The following SLC2A13 variants were observed in gnomAD, a reference collection of about 807,000 sequenced individuals.
SLC2A13 encodes proton myo-inositol cotransporter.
Under a neutral mutation model 64.4 loss-of-function variants are expected in SLC2A13, and 32 were observed. That is an observed-to-expected ratio of 0.50 (90% CI 0.37 to 0.67). The LOEUF (loss-of-function observed/expected upper bound fraction) is 0.67. SLC2A13 is among the 30% of genes least tolerant of loss of function. SLC2A13 has a pLI of 0.00. For missense variants in SLC2A13, 743 were observed against 829.2 expected (o/e 0.90, Z 1.28); for synonymous variants, 338 against 327.1 (o/e 1.03, Z -0.36).
intron 4 of SLC2A13, among the ~76,000 whole-genome samples, chr12:39,896,686 CGTT>C: frequency 6.6e-6 from 1 of 151,850 alleles, no homozygotes; most frequent in African/African-American, 2.4e-5. Flanking sequence ...TAATATCCCT[CGTT>C]ATCTGCAATT....
chr12:40,014,123 A>G (rs370900296), intron 3 of SLC2A13, among the ~76,000 whole-genome samples: 1 of 152,202 alleles, frequency 6.6e-6, no homozygotes, highest in Non-Finnish European at 1.5e-5. Flanking sequence ...TGTACACCAC[A>G]TTACTTTTAG....
At chr12:39,764,651 T>A in intron 8 of SLC2A13, 39 bp from the exon 9 acceptor site, 1 of 1,582,084 alleles carries the variant, frequency 6.3e-7, no homozygotes, top group Non-Finnish European at 8.6e-7. Flanking sequence ...TAAAATAGCA[T>A]GTAAGAAATT....
chr12:39,973,981 C>G (rs568035042), intron 3 of SLC2A13, among the ~76,000 whole-genome samples: 2 of 152,320 alleles, frequency 1.3e-5, no homozygotes, highest in East Asian at 3.9e-4. Context: ...GGACCAGAGT[C>G]AGTGGGAAAA....
At chr12:39,917,847 C>A (rs1480017179) in intron 4 of SLC2A13, among the ~76,000 whole-genome samples, 2 of 151,968 alleles carry the variant, frequency 1.3e-5, no homozygotes, top group African/African-American at 4.8e-5. Flanking sequence ...TAACCTCTTC[C>A]TCTTCTCCTT....
rs544713699 is a variant in SLC2A13, at chr12:40,036,068, T to C, written c.717-7559A>G. On this transcript the variant is annotated intron_variant, in intron 2 of 9. Coordinates refer to ENST00000280871, the MANE Select transcript of SLC2A13 (RefSeq NM_052885.4). Reference sequence around the variant, plus strand: ...ATGAAAAGCTCTGAGCTAGGGATTATAGAGAAACAGTAATGATCAACAGAC... The same window carrying C: ...ATGAAAAGCTCTGAGCTAGGGATTACAGAGAAACAGTAATGATCAACAGAC... Among the ~76,000 whole-genome samples, 6 of 152,282 alleles carry C rather than the reference T, an allele frequency of 3.9e-5. No homozygotes were observed. In the East Asian group the frequency reaches 7.7e-4, roughly 20 times the overall value.
At chr12:39,935,252 A>G (rs1158608942) in intron 4 of SLC2A13, among the ~76,000 whole-genome samples, 2 of 152,212 alleles carry the variant, frequency 1.3e-5, no homozygotes, top group Non-Finnish European at 2.9e-5. Context: ...AAATAAATAA[A>G]TAAAATTATG....
At chr12:39,933,553 C>T (rs576115463) in intron 4 of SLC2A13, among the ~76,000 whole-genome samples, 1 of 152,244 alleles carries the variant, frequency 6.6e-6, no homozygotes, top group African/African-American at 2.4e-5. Flanking sequence ...CCTAGCAGTT[C>T]CACTTTATAA....
chr12:39,759,956 G>T lies in SLC2A13; in HGVS notation c.*70C>A. 1 of 1,164,266 alleles carries T rather than the reference G, an allele frequency of 8.6e-7. No individual in the cohort carries two copies. The highest frequency in any genetic ancestry group is 1.3e-6 in the Non-Finnish European group (1 of 790,086). The allele number at this position is 1,164,266 out of a possible 1,614,324, so 72.1% of individuals were successfully genotyped here. On this transcript the variant is annotated 3_prime_UTR_variant, in exon 10 of 10. Transcript: ENST00000280871. ...AAAGAACCAGATTAGAAGCAGGGCA[G>T]TGAAGTCACCAATTGCTGTTCTTCT... is the stretch of plus-strand genomic sequence containing the variant.
intron 3 of SLC2A13, among the ~76,000 whole-genome samples, chr12:39,992,599 G>A (rs999272568): frequency 7.9e-5 from 12 of 151,566 alleles, no homozygotes; most frequent in Admixed American, 1.3e-4. Flanking sequence ...GAAAATGGCC[G>A]TGACAGTTAA....
intron 6 of SLC2A13, among the ~76,000 whole-genome samples, chr12:39,848,402 A>C (rs560300512): frequency 2.0e-5 from 3 of 152,316 alleles, no homozygotes; most frequent in African/African-American, 7.2e-5. Flanking sequence ...ACATACGTGC[A>C]GCCAAGGAGC....
rs71449493 is a variant in SLC2A13, at chr12:39,812,996, A to ATTTTTTTTTTTTTTTTT, written c.1445+17090_1445+17106dup. On this transcript the variant is annotated intron_variant, in intron 7 of 9. Transcript: ENST00000280871. ...AGGCGCCTGACATCATGCCCAGCTA[A>ATTTTTTTTTTTTTTTTT]TTTTTTTTTTTTTTTTTTTTTTTTT... 8.0e-3 allele frequency among the ~76,000 whole-genome samples: 326 copies of ATTTTTTTTTTTTTTTTT among 40,618 alleles called. 120 individuals are homozygous for ATTTTTTTTTTTTTTTTT. The highest frequency in any genetic ancestry group is 0.011 in the Non-Finnish European group (271 of 23,818). 26.6% of individuals were successfully genotyped at this position (40,618 alleles called of 152,430 possible).
chr12:40,011,611 G>T (rs1947533650), intron 3 of SLC2A13, among the ~76,000 whole-genome samples: 1 of 152,074 alleles, frequency 6.6e-6, no homozygotes, highest in South Asian at 2.1e-4. Flanking sequence ...AGTGAGCACA[G>T]GACCCAATAG....
At chr12:39,793,502 A>G (rs1005828907) in intron 7 of SLC2A13, among the ~76,000 whole-genome samples, 4 of 152,146 alleles carry the variant, frequency 2.6e-5, no homozygotes, top group Non-Finnish European at 5.9e-5. Context: ...CCACAACAAC[A>G]TTATTCCCAT....
At chr12:39,942,101 G>A (rs1399196531) in intron 4 of SLC2A13, among the ~76,000 whole-genome samples, 1 of 152,174 alleles carries the variant, frequency 6.6e-6, no homozygotes, top group East Asian at 1.9e-4. Context: ...ATGCTGTTTT[G>A]GTGACTATGG....
chr12:40,063,803 T>C (rs1948465485), intron 1 of SLC2A13, among the ~76,000 whole-genome samples: 1 of 152,194 alleles, frequency 6.6e-6, no homozygotes, highest in East Asian at 1.9e-4. Flanking sequence ...CAGAAAAATG[T>C]TGACTATAAT....
intron 3 of SLC2A13, among the ~76,000 whole-genome samples, chr12:39,985,699 C>G (rs2136157225): frequency 6.6e-6 from 1 of 152,226 alleles, no homozygotes; most frequent in Admixed American, 6.5e-5. Flanking sequence ...GCAGTGGTCA[C>G]ATACCTTATA....
chr12:39,788,486 A>T (rs1402799761), intron 7 of SLC2A13: 3 of 152,186 alleles, frequency 2.0e-5, no homozygotes, highest in Admixed American at 2.0e-4. Context: ...GGGACTGAGA[A>T]GATGATTTCA....
intron 1 of SLC2A13, among the ~76,000 whole-genome samples, chr12:40,067,475 T>C (rs1258054770): frequency 1.3e-5 from 2 of 152,178 alleles, no homozygotes; most frequent in South Asian, 2.1e-4. Context: ...CTTTACTCTT[T>C]AGTAATAAAA....
intron 7 of SLC2A13, among the ~76,000 whole-genome samples, chr12:39,788,018 T>G (rs555389828): frequency 4.6e-5 from 7 of 152,248 alleles, no homozygotes; most frequent in East Asian, 1.9e-4. Context: ...ATTTATGAAT[T>G]CTAGGACAAT....
Sources: gnomAD v4.1 joint callset for allele counts (sites outside exome capture counted in the v4.1 genomes callset) on GRCh38, gnomAD v4.1.1 for gene constraint, MANE v1.5 for transcripts, NCBI Gene and HGNC (gene_info 2026-07-23, HGNC 2026-07-21) for gene names.